The following RMDN2 variants were observed in gnomAD, a reference collection of about 807,000 sequenced individuals.
RMDN2 encodes the protein regulator of microtubule dynamics protein 2.
Under a neutral mutation model 52.8 loss-of-function variants are expected in RMDN2, and 61 were observed. That is an observed-to-expected ratio of 1.16 (90% CI 0.94 to 1.43). The LOEUF (loss-of-function observed/expected upper bound fraction) is 1.43, where lower values mean the gene tolerates loss of function less well. Among genes scored for constraint, RMDN2 ranks in the 40% most tolerant of loss-of-function variants. RMDN2 has a pLI of 0.00. For missense variants in RMDN2, 592 were observed against 475.3 expected (o/e 1.25, Z -2.28); for synonymous variants, 180 against 153.1 (o/e 1.18, Z -1.30).
intron 4 of RMDN2, among the ~76,000 whole-genome samples, chr2:37,977,137 T>C (rs371410544): frequency 1.3e-5 from 2 of 152,036 alleles, no homozygotes; most frequent in South Asian, 4.2e-4. Context: ...GGACACAGCA[T>C]ATGTTTCAGA....
At chr2:38,041,479 G>T (rs1680951575) in intron 10 of RMDN2, among the ~76,000 whole-genome samples, 1 of 121,728 alleles carries the variant, frequency 8.2e-6, no homozygotes. Context: ...CCAATATGAT[G>T]TTGAATAAGA....
intron 6 of RMDN2, 102 bp from the exon 7 acceptor site, chr2:37,991,118 A>T (rs1674731100): frequency 2.0e-6 from 1 of 501,518 alleles, no homozygotes; most frequent in African/African-American, 1.9e-5. Flanking sequence ...GAGAACTGAG[A>T]CAATATTTTA....
intron 2 of RMDN2, chr2:37,950,433 T>A (rs1668630023): frequency 6.2e-7 from 1 of 1,608,070 alleles, no homozygotes; most frequent in Non-Finnish European, 8.5e-7. Context: ...TCTGCTGTCA[T>A]CACATTCTGT....
rs1475906910 is a variant in RMDN2 at position 37,997,533 on chromosome 2, T to C, written c.1044+19T>C. The C allele has an allele frequency of 1.1e-5, 16 of 1,481,116 alleles. No homozygotes were observed. Among genetic ancestry groups the C allele is most frequent in the Non-Finnish European group, 1.5e-5 (16 of 1,058,986 alleles). 91.7% of individuals were successfully genotyped at this position (1,481,116 alleles called of 1,614,324 possible). ...CCTTAAGGTACATTTTGTGTATCCA[T>C]TATTTTAGTGTCAGACTGATTACCA... On this transcript the variant is annotated intron_variant, in intron 8 of 10. Coordinates refer to ENST00000354545, the MANE Select transcript of RMDN2 (RefSeq NM_001170791.3).
At chr2:37,995,076 G>A (rs1675328752) in intron 7 of RMDN2, among the ~76,000 whole-genome samples, 1 of 152,104 alleles carries the variant, frequency 6.6e-6, no homozygotes, top group South Asian at 2.1e-4. Context: ...GCAGTTACAG[G>A]ATTGTATGCA....
In RMDN2 at chr2:37,932,034, G is replaced by A. The variant is rs201543872; in HGVS notation, c.452+2305G>A. ...TTGGATTTTTTTGAGAAAGGAATAA[G>A]ATACAAAAAATTTATTTATTTATTT... On this transcript the variant is annotated intron_variant, in intron 2 of 10. Transcript: ENST00000354545. Among the ~76,000 whole-genome samples, 11 of 152,076 alleles carry A rather than the reference G, an allele frequency of 7.2e-5. No homozygotes were observed. The East Asian group carries it at 2.1e-3, about 29-fold the overall frequency.
intron 2 of RMDN2, chr2:37,952,651 T>G (rs1205070905): frequency 3.3e-5 from 6 of 181,788 alleles, no homozygotes; most frequent in Non-Finnish European, 4.5e-5. Flanking sequence ...TTCACACATT[T>G]TCATATATAT....
intron 1 of RMDN2, among the ~76,000 whole-genome samples, chr2:37,928,259 T>C (rs996038677): frequency 1.3e-4 from 20 of 152,214 alleles, no homozygotes; most frequent in East Asian, 5.8e-4. Context: ...AGCAGGCTTT[T>C]CAGAAATAGA....
chr2:38,019,203 C>G (rs988980514), downstream of RMDN2, among the ~76,000 whole-genome samples: 1 of 152,156 alleles, frequency 6.6e-6, no homozygotes, highest in Non-Finnish European at 1.5e-5. Flanking sequence ...GACATAGAAT[C>G]AAGTATGTTG....
At chr2:38,012,258 C>A (rs908790460) in intron 10 of RMDN2, among the ~76,000 whole-genome samples, 1 of 152,230 alleles carries the variant, frequency 6.6e-6, no homozygotes, top group Non-Finnish European at 1.5e-5. Context: ...GGAAAGACTT[C>A]CTTGACGCCT....
chr2:38,062,982 G>A (rs1435336396), intron 10 of RMDN2, among the ~76,000 whole-genome samples: 1 of 152,124 alleles, frequency 6.6e-6, no homozygotes, highest in Non-Finnish European at 1.5e-5. Context: ...ATTCCATGGT[G>A]TATATGTGCC....
intron 2 of RMDN2, among the ~76,000 whole-genome samples, chr2:37,969,763 C>G (rs1266603358): frequency 6.6e-6 from 1 of 150,594 alleles, no homozygotes; most frequent in Non-Finnish European, 1.5e-5. Flanking sequence ...GAGACTGCTT[C>G]TAATGTTTCA....
At chr2:37,989,721 G>C in intron 6 of RMDN2, 105 bp downstream of exon 6, 3 of 677,312 alleles carry the variant, frequency 4.4e-6, no homozygotes, top group Non-Finnish European at 7.3e-6. Flanking sequence ...CCATCAATGG[G>C]TATAAACCAG....
At chr2:37,977,287 C>T (rs191541231) in intron 4 of RMDN2, among the ~76,000 whole-genome samples, 2,230 of 152,350 alleles carry the variant, frequency 0.015, 56 homozygotes, top group African/African-American at 0.049. Flanking sequence ...CTTTTCCCCA[C>T]ATTTCCCCCT....
At chr2:37,975,042 G>T in intron 3 of RMDN2, 170 bp from the exon 4 acceptor site, 1 of 608,042 alleles carries the variant, frequency 1.6e-6, no homozygotes, top group Non-Finnish European at 2.9e-6. Flanking sequence ...TCTTAGCCAT[G>T]AGTATTTGGA....
chr2:37,994,218 T>C (rs895648251), intron 7 of RMDN2, among the ~76,000 whole-genome samples: 1 of 152,170 alleles, frequency 6.6e-6, no homozygotes, highest in African/African-American at 2.4e-5. Flanking sequence ...TTTGGAAATG[T>C]GGGATACAGA....
intron 10 of RMDN2, among the ~76,000 whole-genome samples, chr2:38,066,205 A>T (rs1558599057): frequency 6.6e-6 from 1 of 152,182 alleles, no homozygotes; most frequent in African/African-American, 2.4e-5. Context: ...TGATGCAAAA[A>T]TTGTAAGTGC....
chr2:37,937,341 CT>C (rs983176205), intron 2 of RMDN2, among the ~76,000 whole-genome samples: 102 of 152,198 alleles, frequency 6.7e-4, no homozygotes, highest in African/African-American at 2.4e-3. Context: ...ATGCCTTCAG[CT>C]TGGTTCTTTT....
intron 7 of RMDN2, among the ~76,000 whole-genome samples, chr2:37,995,821 AAAAC>A (rs1229019219): frequency 6.6e-6 from 1 of 152,238 alleles, no homozygotes; most frequent in Non-Finnish European, 1.5e-5. Context: ...AAAAATTTAA[AAAAC>A]AAAATTATAG....
Sources: gnomAD v4.1 joint callset for allele counts (sites outside exome capture counted in the v4.1 genomes callset) on GRCh38, gnomAD v4.1.1 for gene constraint, MANE v1.5 for transcripts, NCBI Gene and HGNC (gene_info 2026-07-23, HGNC 2026-07-21) for gene names.